The following NBAS variants were observed in gnomAD, a reference collection of about 807,000 sequenced individuals.
NBAS encodes NBAS subunit of NRZ tethering complex, also known as NAG/BC035112 fusion.
A neutral mutation model predicts 302.5 loss-of-function variants in NBAS; 219 were observed. The ratio of observed to expected loss-of-function variants is 0.72; its 90% confidence interval spans 0.65 to 0.81. The LOEUF (loss-of-function observed/expected upper bound fraction) is 0.81. Ranked by LOEUF, NBAS falls within the 30% of genes least tolerant of loss-of-function variation. The pLI, the probability that NBAS is intolerant of heterozygous loss-of-function variation, is 0.00. For synonymous variants in NBAS, 1,118 were observed against 1,021.6 expected, an observed-to-expected ratio of 1.09 and a Z score of -1.80; for missense variants, 2,932 against 2,841.6, an observed-to-expected ratio of 1.03 and a Z score of -0.72.
At chr2:15,030,153 T>C in the NBAS span, among the ~76,000 whole-genome samples, 2 of 152,154 alleles carry the variant, frequency 1.3e-5, no homozygotes, top group Admixed American at 1.3e-4. Flanking sequence ...CAGAAAATCA[T>C]CTTCTGGGAA....
chr2:14,943,883 A>G, the NBAS span, among the ~76,000 whole-genome samples: 1 of 152,192 alleles, frequency 6.6e-6, no homozygotes, highest in Non-Finnish European at 1.5e-5. Flanking sequence ...AGCACAGCAA[A>G]CAAGGAGTAG....
chr2:14,991,118 AC>A, the NBAS span, among the ~76,000 whole-genome samples: 1 of 152,050 alleles, frequency 6.6e-6, no homozygotes, highest in Non-Finnish European at 1.5e-5. Context: ...GGGAGGGCCA[AC>A]CCTGGTGTGC....
Position 15,394,319 on chromosome 2 carries a change from G to C in NBAS, c.3165C>G (p.Leu1055=), listed in dbSNP as rs754643904. 1.2e-6 allele frequency: 2 copies of C among 1,612,662 alleles called. No individual in the cohort carries two copies. Among genetic ancestry groups the C allele is most frequent in the Non-Finnish European group, 1.7e-6 (2 of 1,179,268 alleles). The change falls in exon 28 of 52, where the codon CTC becomes CTG. Residue 1055 remains leucine (L), a synonymous_variant. Transcript: ENST00000281513. The part of the protein sequence containing the change: ...SVSELLEKHG[L]EKPISFVKNT... ...TTTTAACAAATGAAATTGGTTTCTC[G>C]AGTCCATGTTTTTCCAAAAGCTCTG...
chr2:15,011,209 A>G, the NBAS span, among the ~76,000 whole-genome samples: 1 of 152,130 alleles, frequency 6.6e-6, no homozygotes, highest in Non-Finnish European at 1.5e-5. Flanking sequence ...GATGGGAAAG[A>G]GACAGGAAAG....
chr2:15,430,144 T>C (rs1677688888), intron 21 of NBAS, among the ~76,000 whole-genome samples: 1 of 152,220 alleles, frequency 6.6e-6, no homozygotes, highest in Non-Finnish European at 1.5e-5. Context: ...CTATTCAAAG[T>C]ATATATTAGA....
chr2:14,787,150 T>G, the NBAS span, among the ~76,000 whole-genome samples: 37 of 152,020 alleles, frequency 2.4e-4, no homozygotes, highest in Non-Finnish European at 4.3e-4. Flanking sequence ...CAACCCCTGC[T>G]TTTTTTTGTT....
chr2:15,200,166 T>C (rs1006694410), intron 48 of NBAS, among the ~76,000 whole-genome samples: 1 of 152,108 alleles, frequency 6.6e-6, no homozygotes, highest in East Asian at 1.9e-4. Flanking sequence ...CCCAGAGTTA[T>C]AAGCATGAGC....
chr2:15,186,202 T>C (rs535418252), intron 50 of NBAS, among the ~76,000 whole-genome samples: 1 of 151,060 alleles, frequency 6.6e-6, no homozygotes, highest in African/African-American at 2.4e-5. Flanking sequence ...AAAATATATA[T>C]GTATATAATA....
Position 15,556,748 on chromosome 2 carries a change from G to C in NBAS, c.209+35C>G. 3 of 1,531,498 alleles carry C rather than the reference G, an allele frequency of 2.0e-6. No individual in the cohort carries two copies. The South Asian group carries it at 3.4e-5, about 17-fold the overall frequency. 94.9% of individuals were successfully genotyped at this position (1,531,498 alleles called of 1,614,324 possible). On this transcript the variant is annotated intron_variant, in intron 3 of 51. Transcript: ENST00000281513. ...TAGAACAATATTGTTTATATTTGATGTTCATACTGTTTCTCTGAAGAACCG... is the reference window on the plus strand; with the variant it reads ...TAGAACAATATTGTTTATATTTGATCTTCATACTGTTTCTCTGAAGAACCG...
At chr2:14,974,857 T>C in the NBAS span, among the ~76,000 whole-genome samples, 1 of 152,238 alleles carries the variant, frequency 6.6e-6, no homozygotes, top group Non-Finnish European at 1.5e-5. Flanking sequence ...GATAGTTGTC[T>C]GGATGGATCT....
the NBAS span, among the ~76,000 whole-genome samples, chr2:14,906,068 A>ACTCCAGCAGTGGTAAG: frequency 1.3e-5 from 2 of 152,170 alleles, no homozygotes; most frequent in Non-Finnish European, 2.9e-5. Flanking sequence ...TTTCTGGAAC[A>ACTCCAGCAGTGGTAAG]CAGTAGGCAC....
At chr2:15,291,123 C>T (rs990615916) in intron 41 of NBAS, among the ~76,000 whole-genome samples, 1 of 152,192 alleles carries the variant, frequency 6.6e-6, no homozygotes, top group African/African-American at 2.4e-5. Flanking sequence ...AGGCTGGAAG[C>T]CTAGAGACTG....
the NBAS span, among the ~76,000 whole-genome samples, chr2:15,127,033 G>A: frequency 9.2e-5 from 14 of 152,106 alleles, no homozygotes; most frequent in African/African-American, 3.1e-4. Context: ...CTAAAGCCTC[G>A]GAATGCCCTG....
At chr2:15,474,509 A>G (rs1486476372) in intron 14 of NBAS, among the ~76,000 whole-genome samples, 185 bp from the exon 15 acceptor site, 2 of 152,142 alleles carry the variant, frequency 1.3e-5, no homozygotes, top group Admixed American at 6.5e-5. Context: ...AGAAATATGC[A>G]CATACATTAT....
chr2:15,071,386 G>A, the NBAS span, among the ~76,000 whole-genome samples: 2 of 152,174 alleles, frequency 1.3e-5, no homozygotes, highest in African/African-American at 4.8e-5. Flanking sequence ...AGCACTTTGG[G>A]AGGCCAAGGC....
chr2:15,073,438 T>C, the NBAS span, among the ~76,000 whole-genome samples: 1 of 146,964 alleles, frequency 6.8e-6, no homozygotes, highest in Admixed American at 6.8e-5. Flanking sequence ...ACAACACTAT[T>C]GCACTCCAGC....
At chr2:15,234,780 C>A in intron 45 of NBAS, 33 bp from the exon 46 acceptor site, 2 of 1,598,076 alleles carry the variant, frequency 1.3e-6, no homozygotes, top group South Asian at 2.2e-5. Context: ...ACTTAAGTAT[C>A]AAATAGAAAT....
At chr2:15,548,406 C>G (rs1412599038) in intron 6 of NBAS, among the ~76,000 whole-genome samples, 5 of 152,154 alleles carry the variant, frequency 3.3e-5, no homozygotes, top group African/African-American at 9.7e-5. Flanking sequence ...CTTTGGGAGG[C>G]TGAGGCAGGT....
the NBAS span, among the ~76,000 whole-genome samples, chr2:14,908,533 C>T: frequency 2.0e-5 from 3 of 152,168 alleles, no homozygotes; most frequent in East Asian, 5.8e-4. Context: ...TCATTGTATT[C>T]TTAGGTTCCC....
Sources: allele counts gnomAD v4.1 joint callset (sites outside exome capture counted in the v4.1 genomes callset), GRCh38; gene constraint gnomAD v4.1.1; transcripts MANE v1.5; gene names NCBI Gene and HGNC (gene_info 2026-07-23, HGNC 2026-07-21).